KIF1B: variants seen among roughly 807,000 people sequenced by gnomAD.
The protein encoded by KIF1B is kinesin-like protein KIF1B.
Under a neutral mutation model 241.9 loss-of-function variants are expected in KIF1B, and 76 were observed. The ratio of observed to expected loss-of-function variants is 0.31; its 90% CI spans 0.26 to 0.38. The LOEUF (loss-of-function observed/expected upper bound fraction) is 0.38. Among genes scored for constraint, KIF1B ranks in the 10% least tolerant of loss-of-function variants. KIF1B has a pLI of 1.00. For missense variants in KIF1B, 1,622 were observed against 2,271.4 expected, an observed-to-expected ratio of 0.71 and a Z score of 5.81; for synonymous variants, 750 against 796.7, an observed-to-expected ratio of 0.94 and a Z score of 0.99.
chr1:10,273,328 C>T (rs1005711042), intron 10 of KIF1B, among the ~76,000 whole-genome samples: 1 of 152,064 alleles, frequency 6.6e-6, no homozygotes, highest in Non-Finnish European at 1.5e-5. Context: ...CCAAGGCGGG[C>T]GGATCATTTG....
At chr1:10,370,196 G>A (rs753380993) in intron 44 of KIF1B, among the ~76,000 whole-genome samples, 100 of 152,242 alleles carry the variant, frequency 6.6e-4, no homozygotes, top group Non-Finnish European at 1.1e-3. Flanking sequence ...GTTGCGGTGA[G>A]CCAAGATCGC....
At chr1:10,311,872 A>G (rs1429795612) in intron 22 of KIF1B, among the ~76,000 whole-genome samples, 1 of 151,538 alleles carries the variant, frequency 6.6e-6, no homozygotes, top group Non-Finnish European at 1.5e-5. Context: ...CATGTATTAC[A>G]TGTATTAATA....
At chr1:10,347,191 T>G (rs2102328216) in intron 35 of KIF1B, among the ~76,000 whole-genome samples, 1 of 152,306 alleles carries the variant, frequency 6.6e-6, no homozygotes. Context: ...TAGGAGTAAA[T>G]GTTATCCTAA....
chr1:10,357,506 G>C (rs942186902), intron 38 of KIF1B, among the ~76,000 whole-genome samples: 4 of 152,160 alleles, frequency 2.6e-5, no homozygotes, highest in Non-Finnish European at 4.4e-5. Flanking sequence ...TACTAAGGTA[G>C]GAAGATCACT....
chr1:10,235,622 A>G (rs1179272206), intron 2 of KIF1B, among the ~76,000 whole-genome samples: 2 of 152,122 alleles, frequency 1.3e-5, no homozygotes, highest in Non-Finnish European at 2.9e-5. Context: ...GCACTTTGGG[A>G]GGCCGAGGTG....
chr1:10,326,420 T>C lies in KIF1B; in HGVS notation c.2924+61T>C, dbSNP rs1651726537. The stretch of plus-strand genomic sequence containing the variant: ...CCAGCTCTTGCTCTGAAGGCCTCCC[T>C]GCTTGCACAATTTTGGATAACCTTG... On this transcript the variant is annotated intron_variant, in intron 27 of 48. Transcript: ENST00000676179. This position sits in a 1 kb window ranked among gnomAD's most constrained non-coding sequence, Gnocchi z 5.2. 1 of 1,609,166 alleles carries C rather than the reference T, an allele frequency of 6.2e-7. No homozygotes were observed. Among genetic ancestry groups the C allele is most frequent in the Non-Finnish European group, 8.5e-7 (1 of 1,177,900 alleles).
Position 10,334,516 on chromosome 1 carries a change from T to C in KIF1B, c.2925-4T>C. The C allele has an allele frequency of 1.2e-6, 2 of 1,606,806 alleles. No individual in the cohort carries two copies. The highest frequency in any genetic ancestry group is 1.7e-6 in the Non-Finnish European group (2 of 1,173,370). ...GACATTTGTCTCCTGGTTTCTGTCT[T>C]TAGGGCATTTGTTTACCTGAGCAAT... On this transcript the variant is annotated splice_polypyrimidine_tract_variant and splice_region_variant and intron_variant, in intron 27 of 48. Transcript: ENST00000676179.
At chr1:10,221,170 T>C (rs1030168455) in intron 1 of KIF1B, among the ~76,000 whole-genome samples, 1 of 140,724 alleles carries the variant, frequency 7.1e-6, no homozygotes, top group Non-Finnish European at 1.5e-5. Flanking sequence ...CGATCTTGGC[T>C]CACTGCAACC....
chr1:10,250,934 G>A (rs1325047272), intron 2 of KIF1B, among the ~76,000 whole-genome samples: 2 of 152,170 alleles, frequency 1.3e-5, no homozygotes, highest in African/African-American at 2.4e-5. Context: ...ATGCCGAGGC[G>A]GGTGGATCAC....
chr1:10,232,204 T>C, intron 1 of KIF1B, 46 bp from the exon 2 acceptor site: 1 of 685,626 alleles, frequency 1.5e-6, no homozygotes, highest in Non-Finnish European at 2.6e-6. Flanking sequence ...AGCCAGTTCT[T>C]GCTTTAATTC....
intron 37 of KIF1B, among the ~76,000 whole-genome samples, chr1:10,351,983 A>C (rs957544104): frequency 5.3e-5 from 8 of 150,152 alleles, no homozygotes; most frequent in Admixed American, 1.3e-4. Context: ...AAAAAAAAAA[A>C]CACAAAAAAA....
At chr1:10,263,064 C>T (rs1487296114) in intron 5 of KIF1B, among the ~76,000 whole-genome samples, 1 of 151,984 alleles carries the variant, frequency 6.6e-6, no homozygotes, top group Non-Finnish European at 1.5e-5. Context: ...GAATGGATCA[C>T]TTGAGGCCAG....
chr1:10,308,187 G>T, intron 22 of KIF1B: 1 of 1,061,968 alleles, frequency 9.4e-7, no homozygotes, highest in Non-Finnish European at 1.1e-6. Flanking sequence ...ACTGGGAGGC[G>T]GGGATGCTGC....
chr1:10,322,636 A>G (rs1202107270), intron 24 of KIF1B, among the ~76,000 whole-genome samples: 1 of 152,188 alleles, frequency 6.6e-6, no homozygotes, highest in Non-Finnish European at 1.5e-5. Flanking sequence ...CTTTGGGGAA[A>G]TTAATTATCT....
intron 2 of KIF1B, among the ~76,000 whole-genome samples, chr1:10,245,277 A>G (rs1351665509): frequency 2.6e-5 from 4 of 152,244 alleles, no homozygotes; most frequent in Middle Eastern, 3.2e-3. Flanking sequence ...AGGGGGTAAA[A>G]TTAGGGAATT....
At chr1:10,241,407 G>A (rs1044629525) in intron 2 of KIF1B, among the ~76,000 whole-genome samples, 10 of 152,024 alleles carry the variant, frequency 6.6e-5, no homozygotes, top group African/African-American at 2.4e-4. Flanking sequence ...CCAAGCCTGT[G>A]GTTAGTTTTA....
At chr1:10,238,381 C>CA (rs755794359) in intron 2 of KIF1B, among the ~76,000 whole-genome samples, 1,706 of 87,090 alleles carry the variant, frequency 0.02, 68 homozygotes, top group East Asian at 0.16. Flanking sequence ...AACTTTGTCT[C>CA]AAAAAAAAAA....
At chr1:10,279,074 T>C (rs1038526790) in intron 13 of KIF1B, 23 bp from the exon 14 acceptor site, 2 of 1,538,610 alleles carry the variant, frequency 1.3e-6, no homozygotes, top group Non-Finnish European at 1.8e-6. Context: ...CCTTCTCGTA[T>C]TTTCCCTCCT....
Position 10,232,245 on chromosome 1 carries a change from C to T in KIF1B, c.-79-5C>T. 4.6e-6 allele frequency: 5 copies of T among 1,084,212 alleles called. No individual in the cohort carries two copies. The South Asian group carries it at 5.5e-5, about 12-fold the overall frequency. The allele number at this position is 1,084,212 out of a possible 1,614,324, so 67.2% of individuals were successfully genotyped here. Reference sequence around the variant, plus strand: ...ACCTCATATGGAATTTTTTTCTTTTCAAAGGAAACTTGGCTGTAACTTCAA... The same window carrying T: ...ACCTCATATGGAATTTTTTTCTTTTTAAAGGAAACTTGGCTGTAACTTCAA... On this transcript the variant is annotated splice_polypyrimidine_tract_variant and splice_region_variant and intron_variant, in intron 1 of 48. Transcript: ENST00000676179.
Sources: allele counts gnomAD v4.1 joint callset (sites outside exome capture counted in the v4.1 genomes callset), GRCh38; gene constraint gnomAD v4.1.1; non-coding constraint Gnocchi (gnomAD v3.1); transcripts MANE v1.5; gene names NCBI Gene and HGNC (gene_info 2026-07-23, HGNC 2026-07-21).